The following CEP57L1 variants were observed in gnomAD, a reference collection of about 807,000 sequenced individuals.
CEP57L1 encodes the protein centrosomal protein CEP57L1.
A neutral mutation model predicts 61.0 loss-of-function variants in CEP57L1; 37 were observed. The observed-to-expected ratio is 0.61, with a 90% CI of 0.47 to 0.80. The LOEUF (loss-of-function observed/expected upper bound fraction) is 0.80, where lower values mean the gene tolerates loss of function less well. CEP57L1 is among the 30% of genes least tolerant of loss of function. The pLI is 0.00. For missense variants in CEP57L1, 422 were observed against 524.7 expected, an observed-to-expected ratio of 0.80 and a Z score of 1.91; for synonymous variants, 137 against 162.3, an observed-to-expected ratio of 0.84 and a Z score of 1.19.
At chr6:109,106,853 T>C (rs1425258235) in intron 1 of CEP57L1, among the ~76,000 whole-genome samples, 1 of 151,862 alleles carries the variant, frequency 6.6e-6, no homozygotes, top group African/African-American at 2.4e-5. Flanking sequence ...GGCGGGAAAA[T>C]TTCTTGAACT....
chr6:109,139,962 T>A (rs75532480), intron 1 of CEP57L1, among the ~76,000 whole-genome samples: 2,490 of 152,264 alleles, frequency 0.016, 80 homozygotes, highest in African/African-American at 0.057. Context: ...TTCTGAAAAA[T>A]GTTTTTCTGA....
chr6:109,107,251 T>G (rs1771049688), intron 1 of CEP57L1, among the ~76,000 whole-genome samples: 1 of 149,608 alleles, frequency 6.7e-6, no homozygotes, highest in Admixed American at 6.6e-5. Flanking sequence ...GAATTCTGGC[T>G]TGAATTTTCT....
At chr6:109,159,503 C>T (rs1554196487) in intron 9 of CEP57L1, 41 bp downstream of exon 9, 9 of 1,569,740 alleles carry the variant, frequency 5.7e-6, no homozygotes, top group Non-Finnish European at 7.8e-6. Flanking sequence ...GAGACAGTGT[C>T]TCGCTATGTT....
intron 1 of CEP57L1, among the ~76,000 whole-genome samples, chr6:109,127,506 T>A (rs1307584807): frequency 6.6e-6 from 1 of 152,194 alleles, no homozygotes; most frequent in Non-Finnish European, 1.5e-5. Context: ...TACCACTTTC[T>A]CCTGCTTTTT....
At chr6:109,095,938 G>C (rs933513136) in intron 1 of CEP57L1, among the ~76,000 whole-genome samples, 6 of 152,164 alleles carry the variant, frequency 3.9e-5, no homozygotes, top group African/African-American at 1.4e-4. Flanking sequence ...TTTGCTTAGG[G>C]ATGTTCTGGG....
chr6:109,105,004 C>T (rs1011981996), intron 1 of CEP57L1, among the ~76,000 whole-genome samples: 4 of 152,124 alleles, frequency 2.6e-5, no homozygotes, highest in South Asian at 2.1e-4. Flanking sequence ...TTTAGCTATT[C>T]GTGTTTTCTT....
chr6:109,157,006 T>G (rs1773284051), intron 7 of CEP57L1: 1 of 152,112 alleles, frequency 6.6e-6, no homozygotes, highest in Non-Finnish European at 1.5e-5. Flanking sequence ...CTGCCCAGTA[T>G]GTATGTTTTA....
At chr6:109,136,336 G>A (rs954601164) in intron 1 of CEP57L1, among the ~76,000 whole-genome samples, 75 of 152,278 alleles carry the variant, frequency 4.9e-4, no homozygotes, top group African/African-American at 1.6e-3. Flanking sequence ...AAGACCGCAT[G>A]TTCTCACTCA....
intron 10 of CEP57L1, among the ~76,000 whole-genome samples, chr6:109,161,635 A>T (rs1773725721): frequency 6.6e-6 from 1 of 152,182 alleles, no homozygotes; most frequent in Non-Finnish European, 1.5e-5. Flanking sequence ...ACTGGCTTTT[A>T]AGGCTATAGT....
intron 1 of CEP57L1, among the ~76,000 whole-genome samples, chr6:109,126,296 A>C (rs1773554525): frequency 6.6e-6 from 1 of 152,146 alleles, no homozygotes; most frequent in Non-Finnish European, 1.5e-5. Flanking sequence ...AATAATTGAT[A>C]CTCTAAATCT....
chr6:109,112,375 T>G (rs1771758211), intron 1 of CEP57L1, among the ~76,000 whole-genome samples: 1 of 152,194 alleles, frequency 6.6e-6, no homozygotes, highest in South Asian at 2.1e-4. Context: ...TGATATCCCT[T>G]TTATCATTTT....
rs557075742 is a variant in CEP57L1, at chr6:109,136,536, C to G, written c.-3-8683C>G. Among the ~76,000 whole-genome samples the G allele has an allele frequency of 1.3e-4, 18 of 143,110 alleles. No individual in the cohort carries two copies. The East Asian group carries it at 3.5e-3, about 28-fold the overall frequency. The allele number at this position is 143,110 out of a possible 152,430, so 93.9% of individuals were successfully genotyped here. ...ATATGTAACAAACCTGCACGTTGTG[C>G]ACATGTACCCTAAAACTATAAGTAT... On this transcript the variant is annotated intron_variant, in intron 1 of 10. Coordinates refer to ENST00000517392, the MANE Select transcript of CEP57L1 (RefSeq NM_001271852.3).
At position 109,166,277 on chromosome 6, in the gene CEP57L1, T is replaced by A. The variant is rs1469704178; in HGVS notation, c.*3307T>A. On this transcript the variant is annotated 3_prime_UTR_variant, in exon 11 of 11. Transcript: ENST00000517392. Reference sequence around the variant, plus strand: ...ATGTACTTGAAAATTATTTTTGAGCTTTTTTGGTAGCTTTCTTACTTTATT... The same window carrying A: ...ATGTACTTGAAAATTATTTTTGAGCATTTTTGGTAGCTTTCTTACTTTATT... 6.6e-6 allele frequency among the ~76,000 whole-genome samples: 1 copy of A among 152,210 alleles called. No homozygotes were observed. The highest frequency in any genetic ancestry group is 1.5e-5 in the Non-Finnish European group (1 of 68,044).
chr6:109,109,385 T>C (rs985524378), intron 1 of CEP57L1, among the ~76,000 whole-genome samples: 13 of 152,222 alleles, frequency 8.5e-5, no homozygotes, highest in Non-Finnish European at 1.6e-4. Context: ...TCCTGAAAGT[T>C]ATTTGCCAGG....
chr6:109,110,012 G>A (rs559081030), intron 1 of CEP57L1, among the ~76,000 whole-genome samples: 27 of 152,132 alleles, frequency 1.8e-4, no homozygotes, highest in Non-Finnish European at 3.8e-4. Context: ...GTATGCATGT[G>A]TCTTTATAGT....
rs1302148363 is a variant in CEP57L1 at position 109,165,963 on chromosome 6, T to C, written c.*2993T>C. On this transcript the variant is annotated 3_prime_UTR_variant, in exon 11 of 11. Transcript: ENST00000517392. ...TTTATGTAATTAGAAATTGAAATAA[T>C]GGAATTGGAATTTTCTAGCCAAGGC... is the stretch of plus-strand genomic sequence containing the variant. 1.3e-5 allele frequency: 2 copies of C among 152,184 alleles called. No individual in the cohort carries two copies. The highest frequency in any genetic ancestry group is 4.8e-5 in the African/African-American group (2 of 41,446). 9.4% of individuals were successfully genotyped at this position (152,184 alleles called of 1,614,324 possible). A position where few individuals can be genotyped will look rare whatever the true frequency, so the allele number is the denominator to read the frequency against.
intron 1 of CEP57L1, among the ~76,000 whole-genome samples, chr6:109,124,314 C>T (rs1281819069): frequency 6.6e-6 from 1 of 152,224 alleles, no homozygotes; most frequent in Non-Finnish European, 1.5e-5. Context: ...TCTGCTTCAT[C>T]TTCTGCAATA....
Position 109,136,385 on chromosome 6 carries a change from A to T in CEP57L1, c.-3-8834A>T, listed in dbSNP as rs1770681830. 1.3e-5 allele frequency among the ~76,000 whole-genome samples: 2 copies of T among 152,162 alleles called. 1 individual carries two copies. The highest frequency in any genetic ancestry group is 4.1e-4 in the South Asian group (2 of 4,836). On this transcript the variant is annotated intron_variant, in intron 1 of 10. Transcript: ENST00000517392. ...AACAATGAGAACACTTGGACACAGG[A>T]AGGGGAACATCACACACCGGGGCCT...
In CEP57L1 at chr6:109,135,336, G is replaced by A. The variant is rs564727828; in HGVS notation, c.-3-9883G>A. On this transcript the variant is annotated intron_variant, in intron 1 of 10. Transcript: ENST00000517392. ...GGAAAGGATTCCCTATTTAATAAATGGTGCTGGGAAAACTGGCTAGCCATA... is the reference window on the plus strand; with the variant it reads ...GGAAAGGATTCCCTATTTAATAAATAGTGCTGGGAAAACTGGCTAGCCATA... Among the ~76,000 whole-genome samples the A allele has an allele frequency of 2.0e-5, 3 of 152,248 alleles. 1 individual carries two copies. In the South Asian group the frequency reaches 6.2e-4, roughly 32 times the overall value.
Sources: gnomAD v4.1 joint callset for allele counts (sites outside exome capture counted in the v4.1 genomes callset) on GRCh38, gnomAD v4.1.1 for gene constraint, MANE v1.5 for transcripts, NCBI Gene and HGNC (gene_info 2026-07-23, HGNC 2026-07-21) for gene names.